POLR3G: variants seen among roughly 807,000 people sequenced by gnomAD.
The protein encoded by POLR3G is DNA-directed RNA polymerase III subunit RPC7.
A neutral mutation model predicts 30.1 loss-of-function variants in POLR3G; 28 were observed. That is an observed-to-expected ratio of 0.93 (90% CI 0.69 to 1.27). The LOEUF (loss-of-function observed/expected upper bound fraction) is 1.27. Ranked by LOEUF, POLR3G falls within the 50% of genes most tolerant of loss-of-function variation. The pLI is 0.00. For synonymous variants in POLR3G, 79 were observed against 82.5 expected (o/e 0.96, Z 0.23); for missense variants, 254 against 264.6 (o/e 0.96, Z 0.28).
Position 90,513,433 on chromosome 5 carries a change from A to G in POLR3G, c.*1294A>G, listed in dbSNP as rs1752827359. ...ACACCAACCAAAATTTACCATATGT[A>G]TTCATTCTCTTGCCTTAAAGATCAC... On this transcript the variant is annotated 3_prime_UTR_variant, in exon 8 of 8. Transcript: ENST00000651687. 1 of 152,632 alleles carries G rather than the reference A, an allele frequency of 6.6e-6. No individual in the cohort carries two copies. Among genetic ancestry groups the G allele is most frequent in the Non-Finnish European group, 1.5e-5 (1 of 68,016 alleles). 9.5% of individuals were successfully genotyped at this position (152,632 alleles called of 1,614,324 possible).
intron 1 of POLR3G, among the ~76,000 whole-genome samples, chr5:90,480,478 C>T (rs985401254): frequency 6.6e-6 from 1 of 152,142 alleles, no homozygotes; most frequent in African/African-American, 2.4e-5. Context: ...CTAATGATAG[C>T]AATTCATACA....
chr5:90,510,502 G>A (rs1255755778), intron 7 of POLR3G, among the ~76,000 whole-genome samples: 1 of 152,162 alleles, frequency 6.6e-6, no homozygotes, highest in African/African-American at 2.4e-5. Context: ...GAATACTAGA[G>A]TATCCCTTCC....
intron 1 of POLR3G, among the ~76,000 whole-genome samples, chr5:90,478,172 C>T (rs1323802354): frequency 1.3e-5 from 2 of 151,184 alleles, no homozygotes; most frequent in South Asian, 2.1e-4. Flanking sequence ...TCTGCTAGGA[C>T]GTTGTTTTGG....
At chr5:90,475,460 A>G (rs547130379) in intron 1 of POLR3G, among the ~76,000 whole-genome samples, 1 of 141,138 alleles carries the variant, frequency 7.1e-6, no homozygotes, top group Non-Finnish European at 1.5e-5. Flanking sequence ...ATAAAATTCT[A>G]TATCCACCCT....
At chr5:90,474,079 C>T, upstream of POLR3G, 2 of 1,575,344 alleles carry the variant, frequency 1.3e-6, no homozygotes, top group African/African-American at 1.3e-5. Flanking sequence ...CGGCGCGCCG[C>T]GTCCTCTTTG....
Position 90,482,560 on chromosome 5 carries a change from A to G in POLR3G, c.-43-2965A>G, listed in dbSNP as rs144429350. Among the ~76,000 whole-genome samples, 347 of 152,360 alleles carry G rather than the reference A, an allele frequency of 2.3e-3. 1 individual carries two copies. Among genetic ancestry groups the G allele is most frequent in the African/African-American group, 8.1e-3 (336 of 41,580 alleles). On this transcript the variant is annotated intron_variant, in intron 1 of 7. Coordinates refer to ENST00000651687, the MANE Select transcript of POLR3G (RefSeq NM_006467.3). ...ATTGTCGGACTAAGAAATTATTCAC[A>G]AGATTAGAAATTATAGTTTCGGAGT... is the stretch of plus-strand genomic sequence containing the variant.
chr5:90,475,383 G>C (rs16868673), intron 1 of POLR3G, among the ~76,000 whole-genome samples: 5,785 of 152,014 alleles, frequency 0.038, 378 homozygotes, highest in African/African-American at 0.13. Context: ...ATCTGTTTTC[G>C]TAACTGTTGG....
chr5:90,487,362 T>TC (rs1751492155), intron 2 of POLR3G, among the ~76,000 whole-genome samples: 1 of 150,638 alleles, frequency 6.6e-6, no homozygotes, highest in East Asian at 1.9e-4. Context: ...TTTTTCTTTT[T>TC]TTTTTTGGTA....
At chr5:90,497,068 T>C (rs1752029739) in intron 4 of POLR3G, among the ~76,000 whole-genome samples, 1 of 152,202 alleles carries the variant, frequency 6.6e-6, no homozygotes. Context: ...ATTTCCTGTT[T>C]AACTCTATGC....
intron 7 of POLR3G, among the ~76,000 whole-genome samples, chr5:90,509,536 A>C (rs1355246791): frequency 6.6e-6 from 1 of 152,218 alleles, no homozygotes; most frequent in Non-Finnish European, 1.5e-5. Context: ...CTATAGCGGC[A>C]TATAAGAGAT....
At chr5:90,475,738 CAG>C (rs1419694634) in intron 1 of POLR3G, among the ~76,000 whole-genome samples, 2 of 152,144 alleles carry the variant, frequency 1.3e-5, no homozygotes, top group African/African-American at 4.8e-5. Context: ...TTTTTTGAGA[CAG>C]AGTCTCTGTT....
rs1752807339 is a variant in POLR3G at position 90,513,005 on chromosome 5, C to T, written c.*866C>T. On this transcript the variant is annotated 3_prime_UTR_variant, in exon 8 of 8. Coordinates refer to ENST00000651687, the MANE Select transcript of POLR3G (RefSeq NM_006467.3). ...TGGTGGCCTTTTATGTTTCAGAGTACTCAAGTGTACAATTGATTTATATAA... is the reference window on the plus strand; with the variant it reads ...TGGTGGCCTTTTATGTTTCAGAGTATTCAAGTGTACAATTGATTTATATAA... 1 of 151,970 alleles carries T rather than the reference C, an allele frequency of 6.6e-6. No homozygotes were observed. Among genetic ancestry groups the T allele is most frequent in the Non-Finnish European group, 1.5e-5 (1 of 67,950 alleles). The allele number at this position is 151,970 out of a possible 1,614,324, so 9.4% of individuals were successfully genotyped here. A position where few individuals can be genotyped will look rare whatever the true frequency, so the allele number is the denominator to read the frequency against.
intron 5 of POLR3G, among the ~76,000 whole-genome samples, chr5:90,499,689 C>T (rs551976969): frequency 3.9e-5 from 6 of 152,184 alleles, no homozygotes; most frequent in South Asian, 2.1e-4. Context: ...TCCTATTCCC[C>T]GTTTTAACAC....
chr5:90,487,229 C>T (rs1751483627), intron 2 of POLR3G, among the ~76,000 whole-genome samples: 1 of 151,968 alleles, frequency 6.6e-6, no homozygotes, highest in Non-Finnish European at 1.5e-5. Context: ...ATATTGTAGT[C>T]ATAGCAACCA....
intron 3 of POLR3G, among the ~76,000 whole-genome samples, chr5:90,494,662 C>T (rs575929388): frequency 6.6e-6 from 1 of 152,036 alleles, no homozygotes; most frequent in South Asian, 2.1e-4. Flanking sequence ...TCTTTTCATG[C>T]TTTTTGTCCA....
intron 4 of POLR3G, among the ~76,000 whole-genome samples, chr5:90,496,029 T>G (rs553839508): frequency 6.6e-6 from 1 of 152,262 alleles, no homozygotes; most frequent in Admixed American, 6.5e-5. Flanking sequence ...TGGAGTGCAG[T>G]GGCACGATAT....
intron 3 of POLR3G, 21 bp from the exon 4 acceptor site, chr5:90,495,656 C>T: frequency 2.5e-6 from 4 of 1,598,108 alleles, no homozygotes; most frequent in Middle Eastern, 1.7e-4. Context: ...CTAATGAGTT[C>T]TTTATTCTTT....
In POLR3G at chr5:90,483,811, C is replaced by T. The variant is rs544595351; in HGVS notation, c.-43-1714C>T. ...CTAAAAGTGCAATGCCTTGTTACTG[C>T]TATTCCTTGCAAATGAATTAAAACT... On this transcript the variant is annotated intron_variant, in intron 1 of 7. Coordinates refer to ENST00000651687, the MANE Select transcript of POLR3G (RefSeq NM_006467.3). 4.6e-5 allele frequency among the ~76,000 whole-genome samples: 7 copies of T among 152,234 alleles called. No homozygotes were observed. The East Asian group carries it at 9.7e-4, about 21-fold the overall frequency.
chr5:90,474,294 C>T, upstream of POLR3G: 1 of 1,612,574 alleles, frequency 6.2e-7, no homozygotes, highest in Non-Finnish European at 8.5e-7. Flanking sequence ...CGCCGACATG[C>T]TGGGCAGGGG....
Sources: allele counts gnomAD v4.1 joint callset (sites outside exome capture counted in the v4.1 genomes callset), GRCh38; gene constraint gnomAD v4.1.1; transcripts MANE v1.5; gene names NCBI Gene and HGNC (gene_info 2026-07-23, HGNC 2026-07-21).